Variants in KIT observed in about 807,000 individuals in gnomAD.
The protein encoded by KIT is KIT proto-oncogene, receptor tyrosine kinase.
A neutral mutation model predicts 105.7 loss-of-function variants in KIT; 16 were observed. The observed-to-expected ratio is 0.15, with a 90% CI of 0.10 to 0.23. The LOEUF (loss-of-function observed/expected upper bound fraction) is 0.23, where lower values mean the gene tolerates loss of function less well. Among genes scored for constraint, KIT ranks in the 10% least tolerant of loss-of-function variants. KIT has a pLI of 1.00. For synonymous variants in KIT, 438 were observed against 441.1 expected (o/e 0.99, Z 0.09); for missense variants, 858 against 1,213.8 (o/e 0.71, Z 4.36).
At chr4:54,707,675 G>T (rs141643079) in intron 6 of KIT, among the ~76,000 whole-genome samples, 1 of 152,166 alleles carries the variant, frequency 6.6e-6, no homozygotes, top group African/African-American at 2.4e-5. Context: ...AAATAACTTC[G>T]CTTCAGGCAG....
At chr4:54,716,596 A>G (rs1307413964) in intron 7 of KIT, among the ~76,000 whole-genome samples, 3 of 152,174 alleles carry the variant, frequency 2.0e-5, no homozygotes, top group Non-Finnish European at 4.4e-5. Context: ...CATTGTGAAT[A>G]TCTTTCTATA....
intron 1 of KIT, among the ~76,000 whole-genome samples, chr4:54,693,445 A>C (rs1719849572): frequency 6.6e-6 from 1 of 152,082 alleles, no homozygotes; most frequent in South Asian, 2.1e-4. Context: ...TGGTTCCTCA[A>C]ACCCTTTTCT....
chr4:54,716,324 AT>A (rs1187719623), intron 7 of KIT, among the ~76,000 whole-genome samples: 1 of 152,254 alleles, frequency 6.6e-6, no homozygotes, highest in African/African-American at 2.4e-5. Flanking sequence ...TTGTGTGAAC[AT>A]TTGTATGCTG....
intron 1 of KIT, among the ~76,000 whole-genome samples, chr4:54,660,429 A>T (rs1295438112): frequency 6.6e-6 from 1 of 152,118 alleles, no homozygotes; most frequent in African/African-American, 2.4e-5. Context: ...CTAAATTATT[A>T]TCCTGCTGGA....
At position 54,657,997 on chromosome 4, in the gene KIT, C is replaced by T. The variant is rs776836797; in HGVS notation, c.-18C>T. 3.7e-6 allele frequency: 6 copies of T among 1,612,850 alleles called. No individual in the cohort carries two copies. Among genetic ancestry groups the T allele is most frequent in the East Asian group, 4.5e-5 (2 of 44,826 alleles). ...CTGGAACGTGGACCAGAGCTCGGAT[C>T]CCATCGCAGCTACCGCGATGAGAGG... On this transcript the variant is annotated 5_prime_UTR_variant, in exon 1 of 21. Coordinates refer to ENST00000288135, the MANE Select transcript of KIT (RefSeq NM_000222.3).
chr4:54,716,764 C>T (rs1424680923), intron 7 of KIT, among the ~76,000 whole-genome samples: 1 of 152,086 alleles, frequency 6.6e-6, no homozygotes, highest in African/African-American at 2.4e-5. Flanking sequence ...TTATAATTAT[C>T]GTGTTTAATG....
rs762662037 is a variant in KIT at position 54,740,365 on chromosome 4, A to G, written c.*1808A>G. On this transcript the variant is annotated 3_prime_UTR_variant, in exon 21 of 21. Coordinates refer to ENST00000288135, the MANE Select transcript of KIT (RefSeq NM_000222.3). ...TAAGAAAAGTGGTTGTTAGTTATAG[A>G]TGTCTAGGTACTTCAGGGGCACTTC... The G allele has an allele frequency of 3.9e-5, 9 of 233,400 alleles. No homozygotes were observed. Among genetic ancestry groups the G allele is most frequent in the Non-Finnish European group, 6.8e-5 (8 of 117,956 alleles). 14.5% of individuals were successfully genotyped at this position (233,400 alleles called of 1,614,324 possible).
intron 1 of KIT, among the ~76,000 whole-genome samples, chr4:54,672,876 C>T (rs75868006): frequency 1.3e-5 from 2 of 152,292 alleles, no homozygotes; most frequent in Non-Finnish European, 2.9e-5. Flanking sequence ...ATGTCCACAA[C>T]GGCGAGTGTG....
chr4:54,699,493 A>G lies in KIT; in HGVS notation c.620-137A>G, dbSNP rs1309658211. The G allele has an allele frequency of 7.6e-6, 7 of 924,642 alleles. No individual in the cohort carries two copies. The East Asian group carries it at 1.8e-4, about 24-fold the overall frequency. The allele number at this position is 924,642 out of a possible 1,614,324, so 57.3% of individuals were successfully genotyped here. A position where few individuals can be genotyped will look rare whatever the true frequency, so the allele number is the denominator to read the frequency against. On this transcript the variant is annotated intron_variant, in intron 3 of 20. Transcript: ENST00000288135. ...GTACCTTCAGATATGCAAGTAGTAC[A>G]GATAGGTTAGCACCATGCTTTGTAT...
intron 5 of KIT, among the ~76,000 whole-genome samples, chr4:54,704,571 A>G (rs1394715684): frequency 1.3e-5 from 2 of 152,050 alleles, no homozygotes; most frequent in East Asian, 1.9e-4. Flanking sequence ...AAATTTCACT[A>G]AATATTTATT....
Position 54,727,107 on chromosome 4 carries a change from A to G in KIT, c.1541-111A>G, listed in dbSNP as rs1722269509. 1.5e-5 allele frequency: 13 copies of G among 865,332 alleles called. No individual in the cohort carries two copies. In the Admixed American group the frequency reaches 2.0e-4, roughly 14 times the overall value. 53.6% of individuals were successfully genotyped at this position (865,332 alleles called of 1,614,324 possible). A position where few individuals can be genotyped will look rare whatever the true frequency, so the allele number is the denominator to read the frequency against. On this transcript the variant is annotated intron_variant, in intron 9 of 20. Coordinates refer to ENST00000288135, the MANE Select transcript of KIT (RefSeq NM_000222.3). ...AGCTCTGAGACTCACATAGCTTTGC[A>G]TCCTGCCATGGGCTGTGAGTTGGGA...
intron 1 of KIT, among the ~76,000 whole-genome samples, chr4:54,662,827 C>G (rs951814782): frequency 1.3e-5 from 2 of 152,136 alleles, no homozygotes; most frequent in African/African-American, 4.8e-5. Flanking sequence ...CCTGCCTCGG[C>G]CTCCCAAAGT....
intron 1 of KIT, among the ~76,000 whole-genome samples, chr4:54,660,859 A>C (rs555399020): frequency 1.1e-4 from 17 of 152,326 alleles, no homozygotes; most frequent in African/African-American, 3.8e-4. Context: ...ATGAGTTTTT[A>C]CTATGTGCCA....
Position 54,738,924 on chromosome 4 carries a change from C to G in KIT, c.*367C>G, listed in dbSNP as rs1009716803. The G allele has an allele frequency of 2.7e-5, 16 of 588,564 alleles. No homozygotes were observed. Among genetic ancestry groups the G allele is most frequent in the Non-Finnish European group, 4.8e-5 (16 of 332,344 alleles). 36.5% of individuals were successfully genotyped at this position (588,564 alleles called of 1,614,324 possible). A position where few individuals can be genotyped will look rare whatever the true frequency, so the allele number is the denominator to read the frequency against. ...AATAAATGGTAGTAATCACAGTTGG[C>G]CTTCAGAACCATCCATAGTAGTATG... On this transcript the variant is annotated 3_prime_UTR_variant, in exon 21 of 21. Transcript: ENST00000288135.
intron 1 of KIT, among the ~76,000 whole-genome samples, chr4:54,667,900 G>A (rs1377492152): frequency 1.3e-5 from 2 of 152,118 alleles, no homozygotes; most frequent in Admixed American, 6.6e-5. Flanking sequence ...TAAGTCCAAG[G>A]CTAATTCTGC....
At chr4:54,729,272 A>C in intron 13 of KIT, 63 bp from the exon 14 acceptor site, 1 of 1,576,956 alleles carries the variant, frequency 6.3e-7, no homozygotes, top group South Asian at 1.1e-5. Context: ...GGGTATTTTT[A>C]TGGGAGGCAG....
At chr4:54,715,287 A>T (rs1721408614) in intron 7 of KIT, among the ~76,000 whole-genome samples, 1 of 151,910 alleles carries the variant, frequency 6.6e-6, no homozygotes, top group Non-Finnish European at 1.5e-5. Flanking sequence ...GCTCCTGCAG[A>T]TAAAGCACAT....
intron 1 of KIT, among the ~76,000 whole-genome samples, chr4:54,670,441 A>T (rs180936512): frequency 1.3e-5 from 2 of 152,212 alleles, no homozygotes; most frequent in Non-Finnish European, 2.9e-5. Context: ...AGGCTTTGCT[A>T]TAAAGTCCTG....
intron 6 of KIT, among the ~76,000 whole-genome samples, chr4:54,707,831 T>C (rs1241942420): frequency 6.6e-6 from 1 of 152,190 alleles, no homozygotes; most frequent in Admixed American, 6.5e-5. Flanking sequence ...ATTCACCCAC[T>C]GACCTGAAGC....
Sources: gnomAD v4.1 joint callset for allele counts (sites outside exome capture counted in the v4.1 genomes callset) on GRCh38, gnomAD v4.1.1 for gene constraint, MANE v1.5 for transcripts, NCBI Gene and HGNC (gene_info 2026-07-23, HGNC 2026-07-21) for gene names.